Variants in CEPT1 observed in about 807,000 individuals in gnomAD.
CEPT1 encodes choline/ethanolamine phosphotransferase 1.
CEPT1 carries 7 observed loss-of-function variants against 42.6 expected under a neutral mutation model. The observed-to-expected ratio is 0.16, with a 90% CI of 0.09 to 0.31. CEPT1 has a LOEUF of 0.31. CEPT1 is among the 10% of genes least tolerant of loss of function. The pLI is 1.00. For synonymous variants in CEPT1, 171 were observed against 171.9 expected (o/e 0.99, Z 0.04); for missense variants, 306 against 502.1 (o/e 0.61, Z 3.73).
chr1:111,152,163 A>G (rs1655312072), intron 2 of CEPT1, among the ~76,000 whole-genome samples: 1 of 147,448 alleles, frequency 6.8e-6, no homozygotes, highest in African/African-American at 2.6e-5. Flanking sequence ...TTAAACACTC[A>G]TTTGTTTTTG....
At chr1:111,145,132 C>G (rs1293608318) in intron 1 of CEPT1, among the ~76,000 whole-genome samples, 1 of 152,134 alleles carries the variant, frequency 6.6e-6, no homozygotes, top group Non-Finnish European at 1.5e-5. Context: ...TCTCCTGCCT[C>G]AGCCTCCTCA....
intron 4 of CEPT1, among the ~76,000 whole-genome samples, chr1:111,172,468 G>A (rs1373943440): frequency 6.6e-6 from 1 of 152,028 alleles, no homozygotes; most frequent in African/African-American, 2.4e-5. Context: ...TGTATTTCCT[G>A]TATGATCAAA....
At chr1:111,150,319 A>G (rs1391998344) in intron 2 of CEPT1, among the ~76,000 whole-genome samples, 1 of 152,320 alleles carries the variant, frequency 6.6e-6, no homozygotes, top group African/African-American at 2.4e-5. Context: ...CTAGCATATA[A>G]TGTTCAAAAT....
chr1:111,181,898 G>A (rs1351581482), intron 5 of CEPT1: 1 of 206,974 alleles, frequency 4.8e-6, no homozygotes, highest in African/African-American at 2.4e-5. Flanking sequence ...CCACTGGGAT[G>A]CATTAGGTGA....
rs376967598 is a variant in CEPT1, at chr1:111,148,196, G to C, written c.339+143G>C. 375 of 670,084 alleles carry C rather than the reference G, an allele frequency of 5.6e-4. 4 individuals are homozygous for C. The highest frequency in any genetic ancestry group is 2.9e-3 in the Middle Eastern group (7 of 2,426). 41.5% of individuals were successfully genotyped at this position (670,084 alleles called of 1,614,324 possible). A position where few individuals can be genotyped will look rare whatever the true frequency, so the allele number is the denominator to read the frequency against. On this transcript the variant is annotated intron_variant, in intron 2 of 8. Coordinates refer to ENST00000357172, the MANE Select transcript of CEPT1 (RefSeq NM_006090.5). The stretch of plus-strand genomic sequence containing the variant: ...TATCACACACACTGTGATAAAGCTT[G>C]TAAGTACAGCCTACACACTTGCTTA...
rs971610760 is a variant in CEPT1 at position 111,140,663 on chromosome 1, G to T, written c.-74+356G>T. 80 of 152,576 alleles carry T rather than the reference G, an allele frequency of 5.2e-4. 1 individual carries two copies. The highest frequency in any genetic ancestry group is 1.9e-3 in the African/African-American group (79 of 41,572). 9.5% of individuals were successfully genotyped at this position (152,576 alleles called of 1,614,324 possible). ...GCGCTGAGCGGGCCGAGGGCTGGGA[G>T]CGCTACCCGTGCCGAACGGACCTTG... On this transcript the variant is annotated intron_variant, in intron 1 of 8. Coordinates refer to ENST00000357172, the MANE Select transcript of CEPT1 (RefSeq NM_006090.5).
Position 111,150,991 on chromosome 1 carries a change from G to T in CEPT1, c.339+2938G>T, listed in dbSNP as rs559081478. Among the ~76,000 whole-genome samples, 53 of 152,310 alleles carry T rather than the reference G, an allele frequency of 3.5e-4. 1 individual carries two copies. Among genetic ancestry groups the T allele is most frequent in the Admixed American group, 8.5e-4 (13 of 15,302 alleles). On this transcript the variant is annotated intron_variant, in intron 2 of 8. Transcript: ENST00000357172. ...TTCACCTTGCCTCCATCCACAAAAA[G>T]AGTTGGACTCTGTAAAATATTTGAA...
chr1:111,144,828 A>C (rs1232708975), intron 1 of CEPT1, among the ~76,000 whole-genome samples: 1 of 152,218 alleles, frequency 6.6e-6, no homozygotes, highest in Non-Finnish European at 1.5e-5. Flanking sequence ...TTTGGCTACT[A>C]TGAAGCTAAG....
chr1:111,166,855 C>T (rs941847502), intron 4 of CEPT1, among the ~76,000 whole-genome samples: 4 of 152,100 alleles, frequency 2.6e-5, no homozygotes, highest in African/African-American at 9.7e-5. Context: ...TTTCCAGCTG[C>T]CTACTTAAAA....
In CEPT1 at chr1:111,161,716, G is replaced by A. The variant is rs142137687; in HGVS notation, c.629+420G>A. ...TAGTGTTTCTACTATTTTCAAAAAT[G>A]GCAGAATTTATAATATCTGGATTTC... On this transcript the variant is annotated intron_variant, in intron 4 of 8. Coordinates refer to ENST00000357172, the MANE Select transcript of CEPT1 (RefSeq NM_006090.5). Among the ~76,000 whole-genome samples the A allele has an allele frequency of 3.7e-3, 564 of 152,250 alleles. 5 individuals are homozygous for A. The highest frequency in any genetic ancestry group is 0.013 in the African/African-American group (534 of 41,554).
chr1:111,174,221 T>A (rs940523869), intron 4 of CEPT1, among the ~76,000 whole-genome samples: 2 of 152,214 alleles, frequency 1.3e-5, no homozygotes, highest in Non-Finnish European at 2.9e-5. Context: ...TGCCCTGTTG[T>A]GCATGAGGTT....
intron 2 of CEPT1, among the ~76,000 whole-genome samples, chr1:111,154,110 T>G (rs1571123485): frequency 6.6e-6 from 1 of 152,118 alleles, no homozygotes; most frequent in East Asian, 1.9e-4. Context: ...GTATATGTCC[T>G]CCTCAGTTTC....
intron 3 of CEPT1, 140 bp from the exon 4 acceptor site, chr1:111,161,015 T>G (rs1655842867): frequency 2.4e-6 from 2 of 816,334 alleles, no homozygotes; most frequent in Admixed American, 4.2e-5. Flanking sequence ...ACAGATTATA[T>G]CCTACTTTTC....
intron 5 of CEPT1, chr1:111,178,139 C>G (rs1019913260): frequency 6.6e-6 from 1 of 152,004 alleles, no homozygotes; most frequent in Admixed American, 6.5e-5. Flanking sequence ...TTTTTGTGTG[C>G]CAAATGGAGA....
intron 1 of CEPT1, among the ~76,000 whole-genome samples, chr1:111,146,951 A>C (rs562035830): frequency 6.6e-6 from 1 of 151,818 alleles, no homozygotes; most frequent in South Asian, 2.1e-4. Flanking sequence ...GTTTAATTTA[A>C]ACAGAAACCC....
chr1:111,169,891 T>TTA (rs1656336172), intron 4 of CEPT1, among the ~76,000 whole-genome samples: 1 of 152,216 alleles, frequency 6.6e-6, no homozygotes, highest in Non-Finnish European at 1.5e-5. Context: ...CTCTTCAAGG[T>TTA]TATTTTCTTT....
intron 1 of CEPT1, among the ~76,000 whole-genome samples, chr1:111,142,639 C>A (rs564679310): frequency 6.6e-6 from 1 of 152,018 alleles, no homozygotes; most frequent in Non-Finnish European, 1.5e-5. Context: ...TGCTACAGAG[C>A]GAGATCCTGT....
chr1:111,152,344 CAG>C (rs554137463), intron 2 of CEPT1, among the ~76,000 whole-genome samples: 13 of 151,784 alleles, frequency 8.6e-5, no homozygotes, highest in East Asian at 1.9e-4. Flanking sequence ...AAAAAAATTA[CAG>C]AGTTAAAAAA....
intron 2 of CEPT1, among the ~76,000 whole-genome samples, chr1:111,155,934 C>A (rs747395738): frequency 6.6e-6 from 1 of 151,980 alleles, no homozygotes; most frequent in African/African-American, 2.4e-5. Context: ...ATCTTTATTT[C>A]TTCTAATTTT....
Sources: allele counts gnomAD v4.1 joint callset (sites outside exome capture counted in the v4.1 genomes callset), GRCh38; gene constraint gnomAD v4.1.1; transcripts MANE v1.5; gene names NCBI Gene and HGNC (gene_info 2026-07-23, HGNC 2026-07-21).